The following HTT variants were observed in gnomAD, a reference collection of about 807,000 sequenced individuals.
HTT encodes huntington disease protein.
HTT carries 104 observed loss-of-function variants against 362.3 expected under a neutral mutation model. That is an observed-to-expected ratio of 0.29 (90% confidence interval 0.24 to 0.34). The LOEUF is 0.34. Among genes scored for constraint, HTT ranks in the 10% least tolerant of loss-of-function variants. HTT has a pLI of 1.00. For synonymous variants in HTT, 1,577 were observed against 1,548.7 expected (o/e 1.02, Z -0.43); for missense variants, 3,301 against 3,928.6 (o/e 0.84, Z 4.27).
intron 51 of HTT, among the ~76,000 whole-genome samples, chr4:3,217,024 C>CAA (rs776607099): frequency 1.6e-5 from 2 of 124,116 alleles, no homozygotes. Flanking sequence ...GACTCCGTCT[C>CAA]AAAAAAAAAA....
At chr4:3,172,830 G>A (rs1019355337) in intron 30 of HTT, 78 bp from the exon 31 acceptor site, 4 of 995,348 alleles carry the variant, frequency 4.0e-6, no homozygotes, top group South Asian at 1.3e-5. Context: ...ATTTACAGAT[G>A]GATTTGATAT....
intron 2 of HTT, among the ~76,000 whole-genome samples, chr4:3,092,178 G>A (rs1193377891): frequency 6.6e-6 from 1 of 151,586 alleles, no homozygotes; most frequent in African/African-American, 2.4e-5. Flanking sequence ...TCACACCACC[G>A]CACCCGGCTA....
chr4:3,208,730 AAAAAC>A (rs1560594228), intron 45 of HTT, 38 bp from the exon 46 acceptor site: 1 of 1,544,126 alleles, frequency 6.5e-7, no homozygotes, highest in Admixed American at 2.0e-5. Context: ...AAAAAAAAAA[AAAAAC>A]AAATTATACT....
At chr4:3,230,993 G>A (rs1426101659) in intron 60 of HTT, among the ~76,000 whole-genome samples, 1 of 152,206 alleles carries the variant, frequency 6.6e-6, no homozygotes, top group Non-Finnish European at 1.5e-5. Context: ...CATGGTACCT[G>A]TATTCTGTGG....
At chr4:3,198,895 G>C (rs1378955144) in intron 40 of HTT, among the ~76,000 whole-genome samples, 3 of 152,228 alleles carry the variant, frequency 2.0e-5, no homozygotes, top group African/African-American at 7.2e-5. Context: ...CAGGTGTCAG[G>C]AGCCTGCAGA....
intron 51 of HTT, among the ~76,000 whole-genome samples, chr4:3,215,699 C>T (rs1252775035): frequency 6.6e-6 from 1 of 151,962 alleles, no homozygotes; most frequent in Non-Finnish European, 1.5e-5. Flanking sequence ...AAAGAAAATT[C>T]CGCTTTTCCT....
intron 3 of HTT, among the ~76,000 whole-genome samples, chr4:3,103,055 C>T (rs1714234031): frequency 6.6e-6 from 1 of 151,858 alleles, no homozygotes; most frequent in African/African-American, 2.4e-5. Context: ...TAGGCCAGAG[C>T]GAGGGTCTGT....
chr4:3,179,586 C>T (rs935063961), intron 35 of HTT, among the ~76,000 whole-genome samples: 1 of 148,934 alleles, frequency 6.7e-6, no homozygotes, highest in Non-Finnish European at 1.5e-5. Context: ...GAGGGTGCCT[C>T]GCGTGTGTGT....
rs1468960396 is a variant in HTT, at chr4:3,242,981, G to A, written c.*2922G>A. 2 of 152,304 alleles carry A rather than the reference G, an allele frequency of 1.3e-5. No homozygotes were observed. The highest frequency in any genetic ancestry group is 2.9e-5 in the Non-Finnish European group (2 of 68,034). The allele number at this position is 152,304 out of a possible 1,614,324, so 9.4% of individuals were successfully genotyped here. On this transcript the variant is annotated 3_prime_UTR_variant, in exon 67 of 67. Transcript: ENST00000355072. ...CCTTTCAAGGGGAAAATGTGAAGCT[G>A]AACCCCCTCCAGACACCCAGAATGT...
At chr4:3,181,557 T>C (rs986888468) in intron 36 of HTT, among the ~76,000 whole-genome samples, 39 of 152,278 alleles carry the variant, frequency 2.6e-4, no homozygotes, top group African/African-American at 9.1e-4. Flanking sequence ...AGCCCTCACT[T>C]ATTTTGTCAA....
chr4:3,136,145 T>C (rs1716055113), intron 20 of HTT, 81 bp from the exon 21 acceptor site: 2 of 1,025,990 alleles, frequency 1.9e-6, no homozygotes, highest in East Asian at 2.5e-5. Flanking sequence ...GAGTTCTTTC[T>C]CACTAGCTTT....
rs963581739 is a variant in HTT at position 3,086,845 on chromosome 4, C to G, written c.264-94C>G. 1.1e-4 allele frequency: 77 copies of G among 695,352 alleles called. No individual in the cohort carries two copies. The South Asian group carries it at 1.3e-3, about 12-fold the overall frequency. The allele number at this position is 695,352 out of a possible 1,614,324, so 43.1% of individuals were successfully genotyped here. ...AGTATAACGGTTTATTCATAGTAGT[C>G]GAGAAACACTCACTGAATGAATGAA... On this transcript the variant is annotated intron_variant, in intron 1 of 66. Transcript: ENST00000355072.
chr4:3,142,506 A>T (rs1473275680), intron 22 of HTT, among the ~76,000 whole-genome samples: 2 of 152,174 alleles, frequency 1.3e-5, no homozygotes, highest in Non-Finnish European at 2.9e-5. Flanking sequence ...ATGTATTTCA[A>T]CTTAAACAGA....
At position 3,125,399 on chromosome 4, in the gene HTT, T is replaced by G. The variant is rs1272883633; in HGVS notation, c.1322-150T>G. The G allele has an allele frequency of 4.2e-5, 23 of 551,850 alleles. No individual in the cohort carries two copies. In the East Asian group the frequency reaches 6.9e-4, roughly 16 times the overall value. 34.2% of individuals were successfully genotyped at this position (551,850 alleles called of 1,614,324 possible). On this transcript the variant is annotated intron_variant, in intron 10 of 66. Transcript: ENST00000355072. ...TCTCTACATTCTTTGTGTTTAATAC[T>G]GTGGAGGTATAAAAATACTTATATA...
At position 3,199,898 on chromosome 4, in the gene HTT, C is replaced by T. The variant is rs760984580; in HGVS notation, c.5535C>T (p.His1845=). The T allele has an allele frequency of 1.2e-6, 2 of 1,614,158 alleles. No homozygotes were observed. Among genetic ancestry groups the T allele is most frequent in the Non-Finnish European group, 1.7e-6 (2 of 1,180,016 alleles). ...GTCAGATACTGCTGCTTGTCAACCA[C>T]ACCGACTACCGCTGGTGGGCAGAAG... ...LWCQILLLVN[H]TDYRWWAEVQ... Residue 1845 remains histidine, a synonymous_variant, in exon 41 of 67, where the codon CAC becomes CAT. Transcript: ENST00000355072.
rs1390498946 is a variant in HTT, at chr4:3,214,091, A to G, written c.6908A>G (p.His2303Arg). ...GTCTCCTCCACAGAGTTTGTGACCC[A>G]CGCCTGCTCCCTCATCTACTGTGTG... is the stretch of plus-strand genomic sequence containing the variant. ...SVVSSTEFVT[H>R]ACSLIYCVHF... Residue 2303 changes from histidine to arginine, a missense_variant, in exon 50 of 67, where the codon CAC becomes CGC. This residue lies in a region of HTT where 220 missense variants were observed against 218.5 expected (regional missense o/e 1.01). Transcript: ENST00000355072. 1.7e-5 allele frequency: 27 copies of G among 1,594,752 alleles called. No individual in the cohort carries two copies. The highest frequency in any genetic ancestry group is 2.2e-5 in the Non-Finnish European group (26 of 1,168,552).
At chr4:3,084,330 A>T (rs576575042) in intron 1 of HTT, among the ~76,000 whole-genome samples, 1 of 148,850 alleles carries the variant, frequency 6.7e-6, no homozygotes, top group Non-Finnish European at 1.5e-5. Context: ...TCAGTCTCCC[A>T]TGTTCAGAGT....
At chr4:3,209,993 G>A (rs1271567492) in intron 47 of HTT, 44 bp downstream of exon 47, 2 of 1,603,848 alleles carry the variant, frequency 1.2e-6, no homozygotes, top group Non-Finnish European at 1.7e-6. Flanking sequence ...AGCTTTTCTT[G>A]TGACTTCCAA....
chr4:3,189,413 G>A (rs989650043), intron 40 of HTT, among the ~76,000 whole-genome samples: 8 of 152,216 alleles, frequency 5.3e-5, no homozygotes, highest in Non-Finnish European at 8.8e-5. Flanking sequence ...GCAAAATCTG[G>A]TGTATATTTA....
Sources: gnomAD v4.1 joint callset for allele counts (sites outside exome capture counted in the v4.1 genomes callset) on GRCh38, gnomAD v4.1.1 for gene constraint, gnomAD v4.1.1 regional missense constraint, MANE v1.5 for transcripts, NCBI Gene and HGNC (gene_info 2026-07-23, HGNC 2026-07-21) for gene names.